RCAN2: variants seen among roughly 807,000 people sequenced by gnomAD.
RCAN2 encodes the protein regulator of calcineurin 2, also known as calcipressin-2.
RCAN2 carries 9 observed loss-of-function variants against 23.6 expected under a neutral mutation model. The ratio of observed to expected loss-of-function variants is 0.38; its 90% CI spans 0.23 to 0.67. The LOEUF (loss-of-function observed/expected upper bound fraction) is 0.67, where lower values mean the gene tolerates loss of function less well. Among genes scored for constraint, RCAN2 ranks in the 30% least tolerant of loss-of-function variants. RCAN2 has a pLI of 0.51. For missense variants in RCAN2, 273 were observed against 302.3 expected (o/e 0.90, Z 0.72); for synonymous variants, 109 against 115.7 (o/e 0.94, Z 0.37).
At chr6:46,278,190 G>A (rs1561839724) in intron 2 of RCAN2, among the ~76,000 whole-genome samples, 1 of 152,052 alleles carries the variant, frequency 6.6e-6, no homozygotes, top group Non-Finnish European at 1.5e-5. Flanking sequence ...AAGGACTCTG[G>A]AGACAGGAAT....
intron 4 of RCAN2, among the ~76,000 whole-genome samples, chr6:46,238,431 G>A (rs1766184468): frequency 6.6e-6 from 1 of 152,154 alleles, no homozygotes; most frequent in South Asian, 2.1e-4. Context: ...GTGGATGTTG[G>A]CATTTAGTAG....
chr6:46,229,468 C>A (rs956433371), intron 4 of RCAN2, among the ~76,000 whole-genome samples: 1 of 151,946 alleles, frequency 6.6e-6, no homozygotes, highest in African/African-American at 2.4e-5. Context: ...TTGTTCATTT[C>A]TTTTTATTCT....
At position 46,372,368 on chromosome 6, in the gene RCAN2, G is replaced by C. The variant is rs140112739; in HGVS notation, c.225+84384C>G. Among the ~76,000 whole-genome samples the C allele has an allele frequency of 7.4e-4, 113 of 152,232 alleles. 1 individual carries two copies. The highest frequency in any genetic ancestry group is 2.6e-3 in the African/African-American group (108 of 41,546). On this transcript the variant is annotated intron_variant, in intron 2 of 4. Transcript: ENST00000371374. ...CTAGGTATTATTTCTCCAATTTATA[G>C]ACAAGAAAATTAAAGCTTAGAGGTG... is the stretch of plus-strand genomic sequence containing the variant.
chr6:46,391,960 A>G (rs1006604439), intron 2 of RCAN2, among the ~76,000 whole-genome samples: 1 of 152,216 alleles, frequency 6.6e-6, no homozygotes, highest in African/African-American at 2.4e-5. Context: ...AGGCTAAATA[A>G]TAGGTCAAAA....
At chr6:46,259,641 C>A (rs1472613006) in intron 2 of RCAN2, among the ~76,000 whole-genome samples, 1 of 152,160 alleles carries the variant, frequency 6.6e-6, no homozygotes, top group South Asian at 2.1e-4. Context: ...CGCTTTAACT[C>A]AATTCTGACT....
rs543439394 is a variant in RCAN2 at position 46,274,791 on chromosome 6, G to A, written c.226-25895C>T. ...ATTTCCCATAGTTCTAGAGTGTAAT[G>A]GAAGAACCACCAAGTACTTTCTGAA... On this transcript the variant is annotated intron_variant, in intron 2 of 4. Transcript: ENST00000371374. Among the ~76,000 whole-genome samples, 41 of 152,286 alleles carry A rather than the reference G, an allele frequency of 2.7e-4. No homozygotes were observed. In the South Asian group the frequency reaches 8.1e-3, roughly 30 times the overall value.
chr6:46,348,458 G>C (rs7768312), intron 2 of RCAN2, among the ~76,000 whole-genome samples: 150,155 of 152,212 alleles, frequency 0.99, 74,088 homozygotes, highest in East Asian at 1. Flanking sequence ...AGGAGCTTCT[G>C]TACCTCACTG....
intron 2 of RCAN2, among the ~76,000 whole-genome samples, chr6:46,297,901 A>G (rs1459364642): frequency 6.6e-6 from 1 of 152,130 alleles, no homozygotes; most frequent in Admixed American, 6.5e-5. Context: ...GAAAAGAACA[A>G]ATAGTCTGAG....
chr6:46,242,849 C>T (rs1033293911), intron 4 of RCAN2, among the ~76,000 whole-genome samples: 1 of 152,210 alleles, frequency 6.6e-6, no homozygotes, highest in Non-Finnish European at 1.5e-5. Context: ...TCTAGGCAGG[C>T]TAATAGCTCT....
intron 2 of RCAN2, among the ~76,000 whole-genome samples, chr6:46,251,933 A>G (rs560073451): frequency 6.6e-6 from 1 of 152,256 alleles, no homozygotes; most frequent in East Asian, 1.9e-4. Context: ...TGTAGTCCAG[A>G]GCTCAGGCAC....
chr6:46,445,492 T>C (rs1238767952), intron 2 of RCAN2, among the ~76,000 whole-genome samples: 1 of 152,176 alleles, frequency 6.6e-6, no homozygotes, highest in Non-Finnish European at 1.5e-5. Flanking sequence ...TCCCTACTTC[T>C]TCAAATGCAT....
At chr6:46,346,906 C>T (rs1039658811) in intron 2 of RCAN2, among the ~76,000 whole-genome samples, 1 of 151,808 alleles carries the variant, frequency 6.6e-6, no homozygotes, top group Non-Finnish European at 1.5e-5. Context: ...GAGGGAATCT[C>T]GCTCTGTCAC....
At chr6:46,470,906 G>A (rs1768539014) in intron 1 of RCAN2, among the ~76,000 whole-genome samples, 1 of 152,148 alleles carries the variant, frequency 6.6e-6, no homozygotes, top group African/African-American at 2.4e-5. Flanking sequence ...TTCTTCTGGT[G>A]AATTCACCTC....
rs1765482484 is a variant in RCAN2, at chr6:46,221,747, G to A, written c.*1394C>T. 1 of 393,214 alleles carries A rather than the reference G, an allele frequency of 2.5e-6. No individual in the cohort carries two copies. Among genetic ancestry groups the A allele is most frequent in the Non-Finnish European group, 4.5e-6 (1 of 222,988 alleles). The allele number at this position is 393,214 out of a possible 1,614,324, so 24.4% of individuals were successfully genotyped here. On this transcript the variant is annotated 3_prime_UTR_variant, in exon 5 of 5. Coordinates refer to ENST00000371374, the MANE Select transcript of RCAN2 (RefSeq NM_001251974.2). ...TTTTTCTGAGGCTTGGGTAATGAAA[G>A]TACTTCCCCACTCCATTGTAATCTG... is the stretch of plus-strand genomic sequence containing the variant.
At chr6:46,394,144 C>T (rs1766017489) in intron 2 of RCAN2, among the ~76,000 whole-genome samples, 1 of 152,196 alleles carries the variant, frequency 6.6e-6, no homozygotes, top group Non-Finnish European at 1.5e-5. Context: ...ATTGTTCTAA[C>T]TACAGCTAAT....
intron 2 of RCAN2, among the ~76,000 whole-genome samples, chr6:46,332,041 T>C (rs1462962984): frequency 1.3e-5 from 2 of 152,218 alleles, no homozygotes; most frequent in East Asian, 1.9e-4. Flanking sequence ...ATAAAGCATA[T>C]ACAAATTATG....
intron 2 of RCAN2, among the ~76,000 whole-genome samples, chr6:46,252,827 C>T (rs1169877052): frequency 2.0e-5 from 3 of 152,146 alleles, no homozygotes; most frequent in Non-Finnish European, 4.4e-5. Flanking sequence ...TGAAGAAAAA[C>T]TGGCCTCATC....
At chr6:46,397,236 C>T (rs1336191659) in intron 2 of RCAN2, among the ~76,000 whole-genome samples, 4 of 152,076 alleles carry the variant, frequency 2.6e-5, no homozygotes, top group South Asian at 2.1e-4. Flanking sequence ...AAATAGATTA[C>T]TGGTTTCCAG....
At chr6:46,460,972 CA>C (rs1244852975) in intron 1 of RCAN2, among the ~76,000 whole-genome samples, 1 of 152,226 alleles carries the variant, frequency 6.6e-6, no homozygotes, top group East Asian at 1.9e-4. Context: ...TCAAAGATAG[CA>C]AGACTCACAG....
Sources: allele counts gnomAD v4.1 joint callset (sites outside exome capture counted in the v4.1 genomes callset), GRCh38; gene constraint gnomAD v4.1.1; transcripts MANE v1.5; gene names NCBI Gene and HGNC (gene_info 2026-07-23, HGNC 2026-07-21).